Variants in CD81 observed in about 807,000 individuals in gnomAD.
CD81 encodes CD81 molecule.
CD81 carries 10 observed loss-of-function variants against 30.1 expected under a neutral mutation model. That is an observed-to-expected ratio of 0.33 (90% CI 0.21 to 0.56). The LOEUF (loss-of-function observed/expected upper bound fraction) is 0.56, where lower values mean the gene tolerates loss of function less well. Ranked by LOEUF, CD81 falls within the 20% of genes least tolerant of loss-of-function variation. The pLI, the probability that CD81 is intolerant of heterozygous loss-of-function variation, is 0.89. For missense variants in CD81, 263 were observed against 308.7 expected (o/e 0.85, Z 1.11); for synonymous variants, 147 against 126.4 (o/e 1.16, Z -1.10).
chr11:2,388,776 C>T (rs1004748124), intron 1 of CD81, among the ~76,000 whole-genome samples: 2 of 152,166 alleles, frequency 1.3e-5, no homozygotes, highest in African/African-American at 2.4e-5. Flanking sequence ...CATCTCCTGT[C>T]CCCCTGCCTC....
rs800350 is a variant in CD81 at position 2,394,734 on chromosome 11, G to A, written c.280-238G>A. 0.73 allele frequency: 451,749 copies of A among 617,506 alleles called. 169,737 individuals are homozygous for A. The highest frequency in any genetic ancestry group is 0.84 in the Middle Eastern group (1,935 of 2,308). The allele number at this position is 617,506 out of a possible 1,614,324, so 38.3% of individuals were successfully genotyped here. A position where few individuals can be genotyped will look rare whatever the true frequency, so the allele number is the denominator to read the frequency against. On this transcript the variant is annotated intron_variant, in intron 3 of 7. Transcript: ENST00000263645. ...CCACACGCCCCGCCCCATCCACCCCGTCCTGTGGAGCCTGGTGCCGCGTGG... is the reference window on the plus strand; with the variant it reads ...CCACACGCCCCGCCCCATCCACCCCATCCTGTGGAGCCTGGTGCCGCGTGG...
Position 2,395,508 on chromosome 11 carries a change from C to G in CD81, c.447C>G (p.Thr149=), listed in dbSNP as rs1193423020. Residue 149 remains threonine (T), a synonymous_variant, in exon 5 of 8, where the codon ACC becomes ACG. Transcript: ENST00000263645. ...ACAACGCCAAGGCTGTGGTGAAGAC[C>G]TTCCACGAGACGGTGCGGCCCCGGG... The part of the protein sequence containing the change: ...DANNAKAVVK[T]FHETLDCCGS... The G allele has an allele frequency of 1.2e-6, 2 of 1,612,318 alleles. No homozygotes were observed. Among genetic ancestry groups the G allele is most frequent in the Non-Finnish European group, 1.7e-6 (2 of 1,179,694 alleles).
chr11:2,396,887 A>G lies in CD81; in HGVS notation c.*21A>G. The G allele has an allele frequency of 6.2e-7, 1 of 1,611,162 alleles. No homozygotes were observed. Among genetic ancestry groups the G allele is most frequent in the Non-Finnish European group, 8.5e-7 (1 of 1,179,052 alleles). Reference sequence around the variant, plus strand: ...ACTGAGGCCCCGCAGCTCTGGCCACAGGGACCTCTGCAGTGCCCCCTAAGT... The same window carrying G: ...ACTGAGGCCCCGCAGCTCTGGCCACGGGGACCTCTGCAGTGCCCCCTAAGT... On this transcript the variant is annotated 3_prime_UTR_variant, in exon 8 of 8. Transcript: ENST00000263645.
intron 6 of CD81, 122 bp from the exon 7 acceptor site, chr11:2,396,506 G>C (rs1247956404): frequency 1.1e-6 from 1 of 872,286 alleles, no homozygotes; most frequent in Admixed American, 1.7e-5. Flanking sequence ...GGTAGGGGGT[G>C]GGGGGCTGTT....
Position 2,378,989 on chromosome 11 carries a change from C to T in CD81, c.66+1374C>T, listed in dbSNP as rs1184454725. ...CTTCCCCAAGCCGGGCTGTTCTGCA[C>T]AGCCTGCTTGGGACGCTGGTGGGAG... On this transcript the variant is annotated intron_variant, in intron 1 of 7. Coordinates refer to ENST00000263645, the MANE Select transcript of CD81 (RefSeq NM_004356.4). This position sits in a 1 kb window ranked among gnomAD's most constrained non-coding sequence, Gnocchi z 4.9. Among the ~76,000 whole-genome samples the T allele has an allele frequency of 2.6e-5, 4 of 152,222 alleles. No homozygotes were observed. The highest frequency in any genetic ancestry group is 2.6e-4 in the Admixed American group (4 of 15,290).
chr11:2,386,486 G>A, intron 1 of CD81: 1 of 709,634 alleles, frequency 1.4e-6, no homozygotes, highest in Admixed American at 2.0e-5. Flanking sequence ...GGCCCTAGGG[G>A]GGTCCCTCCG....
chr11:2,395,387 CT>C (rs777118294), intron 4 of CD81, 28 bp from the exon 5 acceptor site: 3 of 1,552,804 alleles, frequency 1.9e-6, no homozygotes, highest in South Asian at 1.1e-5. Flanking sequence ...GAGGTTCCCC[CT>C]GTGCATGTGA....
chr11:2,395,113 TG>T, intron 4 of CD81, 67 bp downstream of exon 4: 1 of 1,362,232 alleles, frequency 7.3e-7, no homozygotes. Context: ...CTGTCGCGGG[TG>T]GGGGTTGGGC....
rs559226759 is a variant in CD81 at position 2,382,883 on chromosome 11, GGGGCTTAGAGTA to G, written c.66+5279_66+5290del. 4.2e-3 allele frequency among the ~76,000 whole-genome samples: 647 copies of G among 152,332 alleles called. 3 individuals carry two copies. Among genetic ancestry groups the G allele is most frequent in the Non-Finnish European group, 7.2e-3 (489 of 68,026 alleles). On this transcript the variant is annotated intron_variant, in intron 1 of 7. Transcript: ENST00000263645. ...CGAGTGGGACCCCAGGGGTTTCCGA[GGGGCTTAGAGTA>G]GGGCTTAGAGGCTTAGAGTAGGGCT...
At position 2,396,869 on chromosome 11, in the gene CD81, C is replaced by T; in HGVS notation, c.*3C>T. The T allele has an allele frequency of 3.1e-6, 5 of 1,612,448 alleles. No individual in the cohort carries two copies. Among genetic ancestry groups the T allele is most frequent in the Non-Finnish European group, 4.2e-6 (5 of 1,179,898 alleles). Reference sequence around the variant, plus strand: ...TCCGGAACAGCTCCGTGTACTGAGGCCCCGCAGCTCTGGCCACAGGGACCT... The same window carrying T: ...TCCGGAACAGCTCCGTGTACTGAGGTCCCGCAGCTCTGGCCACAGGGACCT... On this transcript the variant is annotated 3_prime_UTR_variant, in exon 8 of 8. Transcript: ENST00000263645.
At chr11:2,383,677 C>T (rs886107509) in intron 1 of CD81, among the ~76,000 whole-genome samples, 1 of 152,170 alleles carries the variant, frequency 6.6e-6, no homozygotes, top group African/African-American at 2.4e-5. Flanking sequence ...GTGGCCCTGC[C>T]TGGTGGACCC....
intron 1 of CD81, chr11:2,386,082 T>C: frequency 1.4e-6 from 1 of 717,394 alleles, no homozygotes; most frequent in Non-Finnish European, 2.6e-6. Flanking sequence ...GTTGGTCTTT[T>C]TCGTGGCAGC....
At chr11:2,394,929 C>T (rs1338221108) in intron 3 of CD81, 43 bp from the exon 4 acceptor site, 4 of 1,576,682 alleles carry the variant, frequency 2.5e-6, no homozygotes, top group Admixed American at 1.7e-5. Context: ...GCCCCGCCTA[C>T]AGCCTGCCCT....
At position 2,377,533 on chromosome 11, in the gene CD81, C is replaced by T; in HGVS notation, c.-17C>T. 2 of 1,359,670 alleles carry T rather than the reference C, an allele frequency of 1.5e-6. No homozygotes were observed. Among genetic ancestry groups the T allele is most frequent in the Non-Finnish European group, 1.9e-6 (2 of 1,033,808 alleles). 84.2% of individuals were successfully genotyped at this position (1,359,670 alleles called of 1,614,324 possible). A position where few individuals can be genotyped will look rare whatever the true frequency, so the allele number is the denominator to read the frequency against. On this transcript the variant is annotated 5_prime_UTR_variant, in exon 1 of 8. Transcript: ENST00000263645. This position sits in a 1 kb window ranked among gnomAD's most constrained non-coding sequence, Gnocchi z 7.7. ...GACCGGCCCGCGCCCCGCAGGCCGC[C>T]CGCCGCCCGCGCCGCCATGGGAGTG...
At position 2,386,240 on chromosome 11, in the gene CD81, A is replaced by G; in HGVS notation, c.67-4172A>G. On this transcript the variant is annotated intron_variant, in intron 1 of 7. Transcript: ENST00000263645. ...TTCCTGTTTTTTGCCCATCTTTCAA[A>G]GATTGGGTTGCCAGTTTTCTTGCTG... The G allele has an allele frequency of 4.3e-6, 3 of 695,490 alleles. No individual in the cohort carries two copies. In the South Asian group the frequency reaches 4.6e-5, roughly 11 times the overall value. 43.1% of individuals were successfully genotyped at this position (695,490 alleles called of 1,614,324 possible).
intron 4 of CD81, 104 bp downstream of exon 4, chr11:2,395,150 T>A: frequency 1.0e-6 from 1 of 979,278 alleles, no homozygotes; most frequent in Non-Finnish European, 1.6e-6. Flanking sequence ...GGGAGCTCTT[T>A]GGGCTCTTCC....
At chr11:2,395,828 G>T (rs1317200681) in intron 5 of CD81, 41 bp from the exon 6 acceptor site, 2 of 1,391,540 alleles carry the variant, frequency 1.4e-6, no homozygotes, top group South Asian at 1.2e-5. Flanking sequence ...CCGTCCCCCT[G>T]GGCACATCCA....
chr11:2,395,092 A>C (rs1589853703), intron 4 of CD81, 46 bp downstream of exon 4: 1 of 1,506,952 alleles, frequency 6.6e-7, no homozygotes. Flanking sequence ...TGACGGGGGC[A>C]CCCTCCTCTC....
intron 7 of CD81, 39 bp from the exon 8 acceptor site, chr11:2,396,765 G>T (rs759501316): frequency 6.2e-7 from 1 of 1,612,098 alleles, no homozygotes; most frequent in Non-Finnish European, 8.5e-7. Context: ...CCTTCCGCGG[G>T]GCCTTGTGCT....
Sources: gnomAD v4.1 joint callset for allele counts (sites outside exome capture counted in the v4.1 genomes callset) on GRCh38, gnomAD v4.1.1 for gene constraint, Gnocchi (gnomAD v3.1) non-coding constraint, MANE v1.5 for transcripts, NCBI Gene and HGNC (gene_info 2026-07-23, HGNC 2026-07-21) for gene names.